PTPRK: variants seen among roughly 807,000 people sequenced by gnomAD.
The protein encoded by PTPRK is receptor-type tyrosine-protein phosphatase kappa.
Under a neutral mutation model 178.0 loss-of-function variants are expected in PTPRK, and 75 were observed. That is an observed-to-expected ratio of 0.42 (90% CI 0.35 to 0.51). PTPRK has a LOEUF of 0.51. PTPRK is among the 20% of genes least tolerant of loss of function. The probability of loss-of-function intolerance (pLI) is 0.02; values close to 1 mark genes in which losing one functional copy is unlikely to be tolerated. For missense variants in PTPRK, 1,441 were observed against 1,797.8 expected (o/e 0.80, Z 3.59); for synonymous variants, 637 against 620.6 (o/e 1.03, Z -0.39).
chr6:128,141,639 A>C (rs1452879862), intron 7 of PTPRK, among the ~76,000 whole-genome samples: 1 of 151,924 alleles, frequency 6.6e-6, no homozygotes, highest in Non-Finnish European at 1.5e-5. Flanking sequence ...CATTTTGACT[A>C]TCTTTTAAAC....
At chr6:128,219,861 G>T (rs1364940329) in intron 5 of PTPRK, among the ~76,000 whole-genome samples, 1 of 152,146 alleles carries the variant, frequency 6.6e-6, no homozygotes, top group Non-Finnish European at 1.5e-5. Flanking sequence ...GCATGTGCTG[G>T]CCACAGAATG....
intron 3 of PTPRK, among the ~76,000 whole-genome samples, chr6:128,288,819 A>G (rs1398823652): frequency 6.6e-6 from 1 of 152,146 alleles, no homozygotes; most frequent in Non-Finnish European, 1.5e-5. Flanking sequence ...CCTAGCTTTG[A>G]AAACTGAGAA....
chr6:128,317,635 T>TATG (rs1828196955), intron 3 of PTPRK, among the ~76,000 whole-genome samples: 2 of 152,028 alleles, frequency 1.3e-5, no homozygotes, highest in Admixed American at 6.6e-5. Context: ...TAAATAATTT[T>TATG]ATTATTATTA....
In PTPRK at chr6:128,385,668, C is replaced by T. The variant is rs562647500; in HGVS notation, c.223+11898G>A. 8.5e-4 allele frequency among the ~76,000 whole-genome samples: 129 copies of T among 152,294 alleles called. 2 individuals are homozygous for T. The highest frequency in any genetic ancestry group is 3.0e-3 in the African/African-American group (126 of 41,564). On this transcript the variant is annotated intron_variant, in intron 2 of 29. Coordinates refer to ENST00000368226, the MANE Select transcript of PTPRK (RefSeq NM_002844.4). ...AATAAATTAATCACAAGCATTCAGT[C>T]ATTCAGCAGGTGGTTTCTGCATTCC...
intron 3 of PTPRK, among the ~76,000 whole-genome samples, chr6:128,256,359 A>G (rs892305926): frequency 9.9e-5 from 15 of 152,224 alleles, no homozygotes; most frequent in Non-Finnish European, 1.9e-4. Context: ...TAAAAGGCAG[A>G]GCCACACCTT....
Position 128,177,466 on chromosome 6 carries a change from T to C in PTPRK, c.1162+6966A>G, listed in dbSNP as rs1187978952. 2.0e-5 allele frequency among the ~76,000 whole-genome samples: 3 copies of C among 151,784 alleles called. No homozygotes were observed. The Admixed American group carries it at 2.0e-4, about 10-fold the overall frequency. On this transcript the variant is annotated intron_variant, in intron 7 of 29. Coordinates refer to ENST00000368226, the MANE Select transcript of PTPRK (RefSeq NM_002844.4). The stretch of plus-strand genomic sequence containing the variant: ...ATAAAAAGAGTACTTAATGATACAG[T>C]TAACAGACTCAGCATGTGGTAAAGT...
intron 1 of PTPRK, among the ~76,000 whole-genome samples, chr6:128,503,273 T>G (rs899962975): frequency 6.6e-6 from 1 of 152,156 alleles, no homozygotes; most frequent in Non-Finnish European, 1.5e-5. Context: ...AGCTGATTAT[T>G]AAACATTTAC....
chr6:128,010,742 T>A (rs1392820592), intron 13 of PTPRK, among the ~76,000 whole-genome samples: 2 of 151,240 alleles, frequency 1.3e-5, no homozygotes, highest in Non-Finnish European at 3.0e-5. Flanking sequence ...TCACTATAAC[T>A]GTCTTAATTT....
chr6:128,297,427 T>C (rs1171770053), intron 3 of PTPRK, among the ~76,000 whole-genome samples: 5 of 152,190 alleles, frequency 3.3e-5, no homozygotes, highest in Admixed American at 3.3e-4. Context: ...TATACATTTT[T>C]TTCAGCACCA....
At chr6:128,387,714 CAA>C (rs1269768392) in intron 2 of PTPRK, among the ~76,000 whole-genome samples, 2 of 151,708 alleles carry the variant, frequency 1.3e-5, no homozygotes, top group African/African-American at 2.4e-5. Context: ...ATAAGGAAAA[CAA>C]GAGACAATGA....
intron 2 of PTPRK, among the ~76,000 whole-genome samples, chr6:128,387,644 C>T (rs1217284476): frequency 6.6e-6 from 1 of 152,060 alleles, no homozygotes; most frequent in East Asian, 1.9e-4. Context: ...ACTCTTTCTT[C>T]GTTTTGGAGG....
At chr6:128,364,556 GAGGCCTTAATA>G (rs1370952392) in intron 2 of PTPRK, among the ~76,000 whole-genome samples, 1 of 152,050 alleles carries the variant, frequency 6.6e-6, no homozygotes, top group African/African-American at 2.4e-5. Flanking sequence ...AAGGAAAGCA[GAGGCCTTAATA>G]AGGCATTGTT....
At chr6:128,012,918 C>T (rs977746692) in intron 13 of PTPRK, among the ~76,000 whole-genome samples, 1 of 150,166 alleles carries the variant, frequency 6.7e-6, no homozygotes, top group Non-Finnish European at 1.5e-5. Flanking sequence ...TTCATTAGTG[C>T]TTTCTTTCTT....
chr6:128,192,061 T>C (rs1803897385), intron 6 of PTPRK, among the ~76,000 whole-genome samples: 1 of 152,190 alleles, frequency 6.6e-6, no homozygotes, highest in African/African-American at 2.4e-5. Flanking sequence ...AAGAAATAGA[T>C]ATGTGTAAAG....
Position 128,419,891 on chromosome 6 carries a change from C to G in PTPRK, c.101-22203G>C, listed in dbSNP as rs144446000. On this transcript the variant is annotated intron_variant, in intron 1 of 29. Transcript: ENST00000368226. The stretch of plus-strand genomic sequence containing the variant: ...CCAAAAAGGAAGGTAACAAAGGATC[C>G]AAAAGCTGTGCTTCCAAACTTCCCA... Among the ~76,000 whole-genome samples, 368 of 152,238 alleles carry G rather than the reference C, an allele frequency of 2.4e-3. 2 individuals carry two copies. Among genetic ancestry groups the G allele is most frequent in the Admixed American group, 3.7e-3 (56 of 15,300 alleles).
chr6:128,184,497 G>A lies in PTPRK; in HGVS notation c.1097C>T (p.Thr366Ile), dbSNP rs1167747638. 3 of 1,613,698 alleles carry A rather than the reference G, an allele frequency of 1.9e-6. No homozygotes were observed. The highest frequency in any genetic ancestry group is 2.5e-6 in the Non-Finnish European group (3 of 1,179,832). ...DTEYEIRVLL[T>I]RPGEGGTGLP... is the part of the protein sequence containing the mutation. ...CCCCGTTCCACCTTCACCAGGTCTT[G>A]TAAGTAGAACTCGGATCTCATATTC... Residue 366 changes from threonine (T) to isoleucine (I), a missense_variant, in exon 7 of 30, where the codon ACA becomes ATA. Physicochemically the swap from Thr to Ile is moderately conservative, Grantham distance 89. Around this residue, in one of 4 missense-constraint regions of PTPRK, gnomAD observed 945 missense variants for 1,080.6 expected, o/e 0.87. Coordinates refer to ENST00000368226, the MANE Select transcript of PTPRK (RefSeq NM_002844.4).
intron 8 of PTPRK, among the ~76,000 whole-genome samples, chr6:128,084,503 TATA>T (rs765610540): frequency 5.6e-4 from 85 of 152,210 alleles, no homozygotes; most frequent in Non-Finnish European, 9.1e-4. Context: ...CAAACTAGTT[TATA>T]ATGTCAGACT....
chr6:128,217,004 A>G (rs577208350), intron 6 of PTPRK, among the ~76,000 whole-genome samples: 8 of 152,188 alleles, frequency 5.3e-5, no homozygotes, highest in Non-Finnish European at 1.2e-4. Flanking sequence ...CACTGGTTGC[A>G]AATTGTGAAC....
At chr6:128,434,762 C>G (rs1845288988) in intron 1 of PTPRK, among the ~76,000 whole-genome samples, 1 of 152,030 alleles carries the variant, frequency 6.6e-6, no homozygotes, top group African/African-American at 2.4e-5. Context: ...GGTACAGTGG[C>G]TTATGCCAGC....
Sources: gnomAD v4.1 joint callset for allele counts (sites outside exome capture counted in the v4.1 genomes callset) on GRCh38, gnomAD v4.1.1 for gene constraint, gnomAD v4.1.1 regional missense constraint, MANE v1.5 for transcripts, NCBI Gene and HGNC (gene_info 2026-07-23, HGNC 2026-07-21) for gene names.